CHODL: variants seen among roughly 807,000 people sequenced by gnomAD.
CHODL encodes transmembrane protein MT75.
In CHODL, 29 loss-of-function variants were observed where a neutral mutation model predicts 34.5. The observed-to-expected ratio is 0.84, with a 90% CI of 0.63 to 1.15. CHODL has a LOEUF of 1.15. Among genes scored for constraint, CHODL ranks in the 50% most tolerant of loss-of-function variants. CHODL has a pLI of 0.00. For missense variants in CHODL, 332 were observed against 332.5 expected (o/e 1.00, Z 0.01); for synonymous variants, 125 against 116.1 (o/e 1.08, Z -0.49).
At chr21:18,011,518 A>G (rs890465846) in intron 1 of CHODL, among the ~76,000 whole-genome samples, 3 of 152,214 alleles carry the variant, frequency 2.0e-5, no homozygotes, top group African/African-American at 7.2e-5. Flanking sequence ...ATTTTCTCTT[A>G]TTGAAAATGT....
At chr21:17,969,676 T>C (rs17002247) in intron 1 of CHODL, among the ~76,000 whole-genome samples, 7,538 of 152,258 alleles carry the variant, frequency 0.05, 304 homozygotes, top group South Asian at 0.11. Flanking sequence ...AAGTGGCTTG[T>C]CCTCTCTTCT....
intron 1 of CHODL, among the ~76,000 whole-genome samples, chr21:18,024,426 G>T (rs1416262311): frequency 1.3e-5 from 2 of 152,110 alleles, no homozygotes; most frequent in Admixed American, 6.5e-5. Context: ...TTCTAAACTG[G>T]TTTATTTAGG....
At chr21:17,917,433 C>G (rs1335778170) in intron 1 of CHODL, 1 of 152,096 alleles carries the variant, frequency 6.6e-6, no homozygotes, top group Admixed American at 6.6e-5. Context: ...ATATCTATAT[C>G]CTTATACTAT....
Position 18,245,247 on chromosome 21 carries a change from G to T in CHODL, c.24G>T (p.Leu8=). MSRVVSL[L]LGAALLCGHG... is the part of the protein sequence containing the mutation. ...CGATGAGCCGCGTGGTCTCGCTGCT[G>T]CTGGGCGCCGCGCTGCTCTGCGGCC... Residue 8 remains leucine, a synonymous_variant, in exon 1 of 6, where the codon CTG becomes CTT. Coordinates refer to ENST00000299295, the MANE Select transcript of CHODL (RefSeq NM_024944.3). 6.6e-7 allele frequency: 1 copy of T among 1,523,924 alleles called. No homozygotes were observed. 94.4% of individuals were successfully genotyped at this position (1,523,924 alleles called of 1,614,324 possible).
intron 2 of CHODL, among the ~76,000 whole-genome samples, chr21:18,065,110 A>G (rs1261946698): frequency 6.6e-6 from 1 of 152,178 alleles, no homozygotes; most frequent in Non-Finnish European, 1.5e-5. Flanking sequence ...GTACACACTA[A>G]TAGTTATTTT....
rs376394215 is a variant in CHODL at position 18,244,936 on chromosome 21, T to G, written c.-288T>G. The G allele has an allele frequency of 2.4e-5, 9 of 379,984 alleles. No homozygotes were observed. Among genetic ancestry groups the G allele is most frequent in the South Asian group, 1.9e-4 (3 of 15,644 alleles). 23.5% of individuals were successfully genotyped at this position (379,984 alleles called of 1,614,324 possible). ...CAACGGTGTGGTCCAAGCCGGGGCTTCTGCTTCGCCTCTAGGACATACACG... is the reference window on the plus strand; with the variant it reads ...CAACGGTGTGGTCCAAGCCGGGGCTGCTGCTTCGCCTCTAGGACATACACG... On this transcript the variant is annotated 5_prime_UTR_variant, in exon 1 of 6. Coordinates refer to ENST00000299295, the MANE Select transcript of CHODL (RefSeq NM_024944.3).
intron 2 of CHODL, among the ~76,000 whole-genome samples, chr21:18,184,996 G>T (rs1054263855): frequency 1.3e-5 from 2 of 152,030 alleles, no homozygotes; most frequent in Non-Finnish European, 2.9e-5. Context: ...GCAACAACTT[G>T]TCTCTCTCTT....
intron 2 of CHODL, among the ~76,000 whole-genome samples, chr21:18,177,696 T>C (rs983812137): frequency 6.6e-5 from 10 of 152,182 alleles, no homozygotes; most frequent in African/African-American, 1.7e-4. Context: ...TAGGTTAAAC[T>C]AATTATCAAA....
chr21:18,005,597 A>G (rs1473262889), intron 1 of CHODL, among the ~76,000 whole-genome samples: 2 of 152,238 alleles, frequency 1.3e-5, no homozygotes, highest in Non-Finnish European at 2.9e-5. Flanking sequence ...ATGACGTGAC[A>G]TTCTCAGATC....
chr21:18,206,753 G>A (rs1195201948), intron 2 of CHODL, among the ~76,000 whole-genome samples: 1 of 150,150 alleles, frequency 6.7e-6, no homozygotes. Context: ...TTTAGTAAAG[G>A]TGTTTTTCTC....
intron 2 of CHODL, among the ~76,000 whole-genome samples, chr21:18,141,498 TGGG>T (rs1404384239): frequency 6.6e-6 from 1 of 151,890 alleles, no homozygotes; most frequent in Non-Finnish European, 1.5e-5. Flanking sequence ...TCATTAGAAA[TGGG>T]CAACACAGAA....
At chr21:18,194,317 C>T (rs1471475438) in intron 2 of CHODL, among the ~76,000 whole-genome samples, 2 of 152,100 alleles carry the variant, frequency 1.3e-5, no homozygotes, top group Non-Finnish European at 2.9e-5. Flanking sequence ...GTAATCAGCC[C>T]CCTGCCCACA....
At chr21:18,241,687 G>T (rs1044188184), upstream of CHODL, among the ~76,000 whole-genome samples, 3 of 152,272 alleles carry the variant, frequency 2.0e-5, no homozygotes, top group African/African-American at 7.2e-5. Context: ...ACTGGGAATT[G>T]CAGACATTTG....
Position 18,128,319 on chromosome 21 carries a change from AAAAAAAAAAAAAAAAAAAAAAAG to A in CHODL, c.-45+100351_-45+100373del, listed in dbSNP as rs1386059905. Reference sequence around the variant, plus strand: ...CTCAAAAAAAAAAAAAAAAAAAAAAAAAAAAAAAAAAAAAAAAAAAAAGAAGAAGAAGAAGAAGAACCTAAACA... The same window carrying A: ...CTCAAAAAAAAAAAAAAAAAAAAAAAAAGAAGAAGAAGAAGAACCTAAACA... On this transcript the variant is annotated intron_variant, in intron 2 of 6. Transcript: ENST00000400127. Among the ~76,000 whole-genome samples the A allele has an allele frequency of 3.1e-3, 427 of 138,850 alleles. 3 individuals are homozygous for A. Among genetic ancestry groups the A allele is most frequent in the Non-Finnish European group, 5.5e-3 (348 of 63,588 alleles). 91.1% of individuals were successfully genotyped at this position (138,850 alleles called of 152,430 possible).
chr21:18,133,052 G>A (rs1360196327), intron 2 of CHODL, among the ~76,000 whole-genome samples: 2 of 151,748 alleles, frequency 1.3e-5, no homozygotes, highest in Non-Finnish European at 2.9e-5. Context: ...CTCTTATGGG[G>A]TTTGTTCTAT....
At chr21:18,047,204 A>G (rs1247919212) in intron 2 of CHODL, among the ~76,000 whole-genome samples, 1 of 151,980 alleles carries the variant, frequency 6.6e-6, no homozygotes, top group Non-Finnish European at 1.5e-5. Context: ...TCTGGCAGAA[A>G]GAGAAAGTAT....
intron 2 of CHODL, among the ~76,000 whole-genome samples, chr21:18,176,566 C>T (rs367941611): frequency 1.3e-5 from 2 of 152,190 alleles, no homozygotes; most frequent in South Asian, 2.1e-4. Flanking sequence ...TTCAGAGTAG[C>T]GAAGTTTTGT....
chr21:18,171,503 G>A (rs547607763), intron 2 of CHODL, among the ~76,000 whole-genome samples: 10 of 152,044 alleles, frequency 6.6e-5, no homozygotes, highest in South Asian at 6.2e-4. Context: ...CACCGCGCCC[G>A]GCCTTCTTTA....
intron 2 of CHODL, among the ~76,000 whole-genome samples, chr21:18,235,180 G>A (rs536631911): frequency 4.6e-5 from 7 of 152,046 alleles, no homozygotes; most frequent in Admixed American, 2.6e-4. Flanking sequence ...AGAATTTGAA[G>A]GGCCACAAAT....
Sources: gnomAD v4.1 joint callset for allele counts (sites outside exome capture counted in the v4.1 genomes callset) on GRCh38, gnomAD v4.1.1 for gene constraint, MANE v1.5 for transcripts, NCBI Gene and HGNC (gene_info 2026-07-23, HGNC 2026-07-21) for gene names.